The following PRSS23 variants were observed in gnomAD, a reference collection of about 807,000 sequenced individuals.
PRSS23 encodes protease, serine 23.
A neutral mutation model predicts 34.7 loss-of-function variants in PRSS23; 25 were observed. That is an observed-to-expected ratio of 0.72 (90% CI 0.53 to 1.01). PRSS23 has a LOEUF of 1.01. Ranked by LOEUF, PRSS23 falls within the 50% of genes least tolerant of loss-of-function variation. The pLI is 0.00. For synonymous variants in PRSS23, 176 were observed against 186.6 expected, an observed-to-expected ratio of 0.94 and a Z score of 0.46; for missense variants, 445 against 475.6, an observed-to-expected ratio of 0.94 and a Z score of 0.60.
chr11:86,899,658 A>G (rs9326460), intron 2 of PRSS23, among the ~76,000 whole-genome samples: 94,337 of 151,590 alleles, frequency 0.62, 29,706 homozygotes, highest in South Asian at 0.7. Context: ...GGGACTACAG[A>G]TGCCCGCCAC....
intron 2 of PRSS23, chr11:86,935,090 G>C (rs1225237303): frequency 2.0e-5 from 3 of 152,208 alleles, no homozygotes; most frequent in Non-Finnish European, 4.4e-5. Flanking sequence ...CCAAGGGATG[G>C]GTCCACACAG....
Position 86,897,534 on chromosome 11 carries a change from A to G in PRSS23, c.207-53682A>G, listed in dbSNP as rs372312821. Among the ~76,000 whole-genome samples, 37 of 152,346 alleles carry G rather than the reference A, an allele frequency of 2.4e-4. 1 individual carries two copies. Among genetic ancestry groups the G allele is most frequent in the African/African-American group, 8.4e-4 (35 of 41,574 alleles). On this transcript the variant is annotated intron_variant, in intron 2 of 2. Transcript: ENST00000533902. ...GTCACTCAGGTTGGAGTGCAGTGGCATAATCATATCTCACTGCAGCCTCAA... is the reference window on the plus strand; with the variant it reads ...GTCACTCAGGTTGGAGTGCAGTGGCGTAATCATATCTCACTGCAGCCTCAA...
chr11:86,871,382 G>T (rs1176945935), intron 2 of PRSS23, among the ~76,000 whole-genome samples: 1 of 152,130 alleles, frequency 6.6e-6, no homozygotes, highest in African/African-American at 2.4e-5. Context: ...AGCTCACCAG[G>T]AACTCTTCTC....
In PRSS23 at chr11:86,807,961, C is replaced by A; in HGVS notation, c.318C>A (p.Leu106=). 6.2e-7 allele frequency: 1 copy of A among 1,614,154 alleles called. No homozygotes were observed. The highest frequency in any genetic ancestry group is 8.5e-7 in the Non-Finnish European group (1 of 1,180,034). Residue 106 remains leucine (L), a synonymous_variant, in exon 2 of 2, where the codon CTC becomes CTA. Coordinates refer to ENST00000280258, the MANE Select transcript of PRSS23 (RefSeq NM_007173.6). ...AGACGCAGGTGGGCATCTACATCCT[C>A]AGCAGTAGTGGAGATGGGGCCCAAC... The part of the protein sequence containing the change: ...RTETQVGIYI[L]SSSGDGAQHR...
At chr11:86,793,142 GA>G (rs1947961474) in intron 1 of PRSS23, among the ~76,000 whole-genome samples, 1 of 152,080 alleles carries the variant, frequency 6.6e-6, no homozygotes, top group Admixed American at 6.5e-5. Flanking sequence ...CTTCTGTATT[GA>G]AAAAAGGATT....
At chr11:86,839,602 C>T (rs564252509) in intron 2 of PRSS23, among the ~76,000 whole-genome samples, 1 of 152,092 alleles carries the variant, frequency 6.6e-6, no homozygotes, top group African/African-American at 2.4e-5. Context: ...ATACAGAGAA[C>T]ACCACAAAGA....
At chr11:86,826,315 A>C (rs1159993750) in intron 2 of PRSS23, among the ~76,000 whole-genome samples, 1 of 152,140 alleles carries the variant, frequency 6.6e-6, no homozygotes, top group African/African-American at 2.4e-5. Context: ...GTGTATAAGA[A>C]TGCTTGTGAT....
chr11:86,930,069 ATTAG>A (rs1949113566), intron 2 of PRSS23, among the ~76,000 whole-genome samples: 1 of 152,028 alleles, frequency 6.6e-6, no homozygotes, highest in African/African-American at 2.4e-5. Context: ...CTATAATAGT[ATTAG>A]TTATAGTGGT....
At chr11:86,952,654 C>A in exon 3 of PRSS23, 1 of 595,566 alleles carries the variant, frequency 1.7e-6, no homozygotes, top group East Asian at 2.8e-5. Context: ...CCATCACTTA[C>A]ATACTTTTCT....
chr11:86,824,498 C>CT (rs1948283318), intron 2 of PRSS23, among the ~76,000 whole-genome samples: 1 of 148,422 alleles, frequency 6.7e-6, no homozygotes, highest in Admixed American at 6.7e-5. Flanking sequence ...TATTAGTATA[C>CT]TTTAAGTTTT....
At chr11:86,845,994 C>T (rs1948483282) in intron 2 of PRSS23, among the ~76,000 whole-genome samples, 1 of 152,180 alleles carries the variant, frequency 6.6e-6, no homozygotes, top group Non-Finnish European at 1.5e-5. Flanking sequence ...AATTTACTGC[C>T]TTTGTTTCTC....
At chr11:86,840,251 G>A (rs1948437676) in intron 2 of PRSS23, among the ~76,000 whole-genome samples, 1 of 152,076 alleles carries the variant, frequency 6.6e-6, no homozygotes, top group East Asian at 1.9e-4. Context: ...AAAGGATGGA[G>A]GAAGATCTAC....
intron 2 of PRSS23, among the ~76,000 whole-genome samples, chr11:86,836,450 T>C (rs953157182): frequency 6.6e-6 from 1 of 152,184 alleles, no homozygotes; most frequent in African/African-American, 2.4e-5. Context: ...AATTCCTTCC[T>C]CAAGCAGGGA....
rs573069608 is a variant in PRSS23, at chr11:86,807,712, T to A, written c.69T>A (p.Pro23=). The A allele has an allele frequency of 6.2e-7, 1 of 1,614,124 alleles. No individual in the cohort carries two copies. The highest frequency in any genetic ancestry group is 1.3e-5 in the African/African-American group (1 of 75,042). The part of the protein sequence containing the change: ...FLLCAVGQVS[P]YSAPWKPTWP... ...TCTGTGCTGTTGGGCAAGTGAGCCC[T>A]TACAGTGCCCCCTGGAAACCCACTT... Residue 23 remains proline, a synonymous_variant, in exon 2 of 2, where the codon CCT becomes CCA. Coordinates refer to ENST00000280258, the MANE Select transcript of PRSS23 (RefSeq NM_007173.6).
chr11:86,908,025 C>G (rs1157331426), intron 2 of PRSS23, among the ~76,000 whole-genome samples: 3 of 152,200 alleles, frequency 2.0e-5, no homozygotes, highest in Admixed American at 1.3e-4. Context: ...CCTCAAGATT[C>G]ATTCATGTTG....
In PRSS23 at chr11:86,807,770, C is replaced by T; in HGVS notation, c.127C>T (p.Gln43Ter). ...ATACCGCCTCCCTGTCGTCTTGCCC[C>T]AGTCTACCCTCAATTTAGCCAAGCC... The part of the protein sequence containing the change: ...PAYRLPVVLP[Q>*]STLNLAKPDF... The change falls in exon 2 of 2, where the codon CAG becomes TAG. Residue 43 changes from glutamine (Q) to a stop codon, truncating the protein, a stop_gained. Coordinates refer to ENST00000280258, the MANE Select transcript of PRSS23 (RefSeq NM_007173.6). LOFTEE classifies it high-confidence loss of function. The T allele has an allele frequency of 6.2e-7, 1 of 1,614,132 alleles. No homozygotes were observed. The highest frequency in any genetic ancestry group is 1.1e-5 in the South Asian group (1 of 91,074).
At chr11:86,918,340 T>A (rs899220735) in intron 2 of PRSS23, among the ~76,000 whole-genome samples, 3 of 152,214 alleles carry the variant, frequency 2.0e-5, no homozygotes, top group African/African-American at 7.2e-5. Context: ...ATTTCTGTAT[T>A]ATTTGAAGAT....
chr11:86,853,060 G>T (rs550393644), intron 2 of PRSS23, among the ~76,000 whole-genome samples: 76 of 151,596 alleles, frequency 5.0e-4, no homozygotes, highest in Non-Finnish European at 9.1e-4. Flanking sequence ...CACCATATTG[G>T]CCAGGCTGGT....
chr11:86,838,308 A>G (rs1590887686), intron 2 of PRSS23, among the ~76,000 whole-genome samples: 1 of 152,080 alleles, frequency 6.6e-6, no homozygotes, highest in African/African-American at 2.4e-5. Flanking sequence ...ACCAGGAGAT[A>G]CCCTCCCATG....
Sources: allele counts gnomAD v4.1 joint callset (sites outside exome capture counted in the v4.1 genomes callset), GRCh38; gene constraint gnomAD v4.1.1; transcripts MANE v1.5; gene names NCBI Gene and HGNC (gene_info 2026-07-23, HGNC 2026-07-21).